Variants in TRIM2 observed in about 807,000 individuals in gnomAD.
TRIM2 encodes tripartite motif containing 2, also known as tripartite motif-containing protein 2.
In TRIM2, 20 loss-of-function variants were observed where a neutral mutation model predicts 75.2. The observed-to-expected ratio is 0.27, with a 90% CI of 0.19 to 0.39. The LOEUF (loss-of-function observed/expected upper bound fraction) is 0.39. TRIM2 is among the 10% of genes least tolerant of loss of function. The pLI is 1.00. For missense variants in TRIM2, 660 were observed against 990.8 expected (o/e 0.67, Z 4.48); for synonymous variants, 373 against 388.3 (o/e 0.96, Z 0.46).
intron 1 of TRIM2, among the ~76,000 whole-genome samples, chr4:153,190,749 A>AT (rs1024464570): frequency 6.6e-6 from 1 of 151,934 alleles, no homozygotes; most frequent in Admixed American, 6.6e-5. Flanking sequence ...TTTATTTTGT[A>AT]TTTTTTGAGA....
Position 153,335,816 on chromosome 4 carries a change from G to C in TRIM2, c.*850G>C. 5 of 985,778 alleles carry C rather than the reference G, an allele frequency of 5.1e-6. No individual in the cohort carries two copies. Among genetic ancestry groups the C allele is most frequent in the Non-Finnish European group, 6.0e-6 (5 of 829,942 alleles). The allele number at this position is 985,778 out of a possible 1,614,324, so 61.1% of individuals were successfully genotyped here. On this transcript the variant is annotated 3_prime_UTR_variant, in exon 12 of 12. Transcript: ENST00000338700. ...TGTTTTATGTACCATGTTTTCACAC[G>C]TGTCTCTTCTCTTCGACTTCCTGAA...
chr4:153,186,566 C>A (rs116239913), intron 1 of TRIM2, among the ~76,000 whole-genome samples: 23 of 152,262 alleles, frequency 1.5e-4, no homozygotes, highest in African/African-American at 5.5e-4. Context: ...TGTTGGCGCT[C>A]AAGGGACAGC....
At chr4:153,305,806 G>A (rs972932041) in intron 6 of TRIM2, among the ~76,000 whole-genome samples, 2 of 152,136 alleles carry the variant, frequency 1.3e-5, no homozygotes, top group African/African-American at 4.8e-5. Flanking sequence ...TGGGAATTAA[G>A]GTTCTAATAA....
intron 1 of TRIM2, among the ~76,000 whole-genome samples, chr4:153,247,363 T>C (rs892015427): frequency 2.6e-5 from 4 of 152,184 alleles, no homozygotes; most frequent in African/African-American, 7.2e-5. Flanking sequence ...AGGGAGGCTG[T>C]GTCCAGCCTG....
intron 1 of TRIM2, among the ~76,000 whole-genome samples, chr4:153,213,149 GTTC>G (rs1452793360): frequency 2.0e-5 from 3 of 152,136 alleles, no homozygotes; most frequent in Admixed American, 6.6e-5. Flanking sequence ...CACTATTACT[GTTC>G]TTCTCCATTT....
chr4:153,320,822 G>C (rs1768783999), intron 8 of TRIM2, among the ~76,000 whole-genome samples: 2 of 131,000 alleles, frequency 1.5e-5, no homozygotes, highest in Non-Finnish European at 3.3e-5. Context: ...TAGTAGAGAT[G>C]GGGTTTCACC....
chr4:153,234,004 A>T (rs1436482532), intron 1 of TRIM2, among the ~76,000 whole-genome samples: 1 of 152,182 alleles, frequency 6.6e-6, no homozygotes, highest in Non-Finnish European at 1.5e-5. Context: ...GCAATTTTAG[A>T]ACTAACAACT....
At chr4:153,245,955 A>T (rs1036998374) in intron 1 of TRIM2, among the ~76,000 whole-genome samples, 1 of 152,206 alleles carries the variant, frequency 6.6e-6, no homozygotes, top group Admixed American at 6.5e-5. Context: ...CTGGGATTAC[A>T]GGCATGAGGC....
upstream of TRIM2, among the ~76,000 whole-genome samples, chr4:153,201,792 T>A (rs555787574): frequency 5.3e-5 from 8 of 152,364 alleles, no homozygotes; most frequent in East Asian, 1.3e-3. Context: ...TGAAGCTTTT[T>A]AAAATGACAG....
In TRIM2 at chr4:153,337,293, T is replaced by C. The variant is rs930210158; in HGVS notation, c.*2327T>C. On this transcript the variant is annotated 3_prime_UTR_variant, in exon 12 of 12. Coordinates refer to ENST00000338700, the MANE Select transcript of TRIM2 (RefSeq NM_015271.5). ...AGAGTTTTTTTGCACAACATTTCAA[T>C]TATATTTGTGAACTTAGAAATTAAC... 46 of 985,724 alleles carry C rather than the reference T, an allele frequency of 4.7e-5. No individual in the cohort carries two copies. The highest frequency in any genetic ancestry group is 5.4e-5 in the Non-Finnish European group (45 of 829,922). The allele number at this position is 985,724 out of a possible 1,614,324, so 61.1% of individuals were successfully genotyped here.
chr4:153,155,336 C>G (rs1270581230), intron 1 of TRIM2, among the ~76,000 whole-genome samples: 2 of 152,122 alleles, frequency 1.3e-5, no homozygotes, highest in Non-Finnish European at 2.9e-5. Flanking sequence ...AATACTTCTA[C>G]TGAATTCTAC....
intron 1 of TRIM2, among the ~76,000 whole-genome samples, chr4:153,175,905 G>C (rs530688261): frequency 1.3e-5 from 2 of 152,170 alleles, no homozygotes; most frequent in South Asian, 4.2e-4. Flanking sequence ...GGGCCGCCGA[G>C]TGCTCTGGTA....
intron 1 of TRIM2, among the ~76,000 whole-genome samples, chr4:153,161,790 C>G (rs773331124): frequency 6.6e-6 from 1 of 152,216 alleles, no homozygotes; most frequent in Non-Finnish European, 1.5e-5. Flanking sequence ...AAGACTCACA[C>G]AAAAGCATTA....
At chr4:153,273,156 A>G (rs1317480133) in intron 2 of TRIM2, among the ~76,000 whole-genome samples, 1 of 151,972 alleles carries the variant, frequency 6.6e-6, no homozygotes, top group Non-Finnish European at 1.5e-5. Flanking sequence ...TTGTTTATGC[A>G]GAGACAAAAC....
chr4:153,329,263 GTGTTT>G (rs1037462107), intron 11 of TRIM2, among the ~76,000 whole-genome samples: 12 of 151,870 alleles, frequency 7.9e-5, no homozygotes, highest in African/African-American at 2.9e-4. Flanking sequence ...ACAATCCCAT[GTGTTT>G]TGTTTTATGA....
Position 153,337,565 on chromosome 4 carries a change from G to T in TRIM2, c.*2599G>T, listed in dbSNP as rs1254710526. The T allele has an allele frequency of 1.1e-5, 11 of 985,676 alleles. No homozygotes were observed. The highest frequency in any genetic ancestry group is 1.2e-5 in the Non-Finnish European group (10 of 829,870). 61.1% of individuals were successfully genotyped at this position (985,676 alleles called of 1,614,324 possible). On this transcript the variant is annotated 3_prime_UTR_variant, in exon 12 of 12. Coordinates refer to ENST00000338700, the MANE Select transcript of TRIM2 (RefSeq NM_015271.5). ...AAGTATAGATAACATTTCACACTTG[G>T]ATACATATGTGCATTTACTGTATTT...
chr4:153,225,208 C>T (rs1490198985), intron 1 of TRIM2, among the ~76,000 whole-genome samples: 1 of 152,190 alleles, frequency 6.6e-6, no homozygotes, highest in Non-Finnish European at 1.5e-5. Context: ...AAAAATGACA[C>T]TGCTTGGTTT....
intron 6 of TRIM2, among the ~76,000 whole-genome samples, chr4:153,306,766 C>T (rs72729630): frequency 0.063 from 9,664 of 152,290 alleles, 416 homozygotes; most frequent in Middle Eastern, 0.13. Context: ...TGGTAGCTTG[C>T]AATTGGCCTG....
In TRIM2 at chr4:153,336,235, T is replaced by C. The variant is rs768940896; in HGVS notation, c.*1269T>C. 144 of 985,420 alleles carry C rather than the reference T, an allele frequency of 1.5e-4. No individual in the cohort carries two copies. Among genetic ancestry groups the C allele is most frequent in the Non-Finnish European group, 1.7e-4 (141 of 829,906 alleles). The allele number at this position is 985,420 out of a possible 1,614,324, so 61.0% of individuals were successfully genotyped here. A position where few individuals can be genotyped will look rare whatever the true frequency, so the allele number is the denominator to read the frequency against. ...GCCACTCTTCAGCACATTCCTTTAC[T>C]AAGCAGTTTAAAGCCGTCCTAGTGG... On this transcript the variant is annotated 3_prime_UTR_variant, in exon 12 of 12. Transcript: ENST00000338700.
Sources: allele counts gnomAD v4.1 joint callset (sites outside exome capture counted in the v4.1 genomes callset), GRCh38; gene constraint gnomAD v4.1.1; transcripts MANE v1.5; gene names NCBI Gene and HGNC (gene_info 2026-07-23, HGNC 2026-07-21).